Variants in ADAT2 observed in about 807,000 individuals in gnomAD.
ADAT2 encodes adenosine deaminase tRNA specific 2.
In ADAT2, 26 loss-of-function variants were observed where a neutral mutation model predicts 25.9. The observed-to-expected ratio is 1.00, with a 90% CI of 0.74 to 1.39. The LOEUF is 1.39. Ranked by LOEUF, ADAT2 falls within the 40% of genes most tolerant of loss-of-function variation. ADAT2 has a pLI of 0.00. For synonymous variants in ADAT2, 76 were observed against 86.8 expected (o/e 0.88, Z 0.69); for missense variants, 220 against 244.8 (o/e 0.90, Z 0.68).
Position 143,450,603 on chromosome 6 carries a change from G to T in ADAT2, c.56C>A (p.Ala19Glu), listed in dbSNP as rs1779734071. The T allele has an allele frequency of 6.2e-7, 1 of 1,614,076 alleles. No individual in the cohort carries two copies. Among genetic ancestry groups the T allele is most frequent in the Non-Finnish European group, 8.5e-7 (1 of 1,180,024 alleles). The change falls in exon 1 of 6, where the codon GCA becomes GAA. Residue 19 changes from alanine (A) to glutamate (E), a missense_variant. Ala to Glu is a moderately radical substitution (Grantham distance 107). Transcript: ENST00000237283. The stretch of plus-strand genomic sequence containing the variant: ...CTCCATCCACTTTTCGGTCTCCTCT[G>T]CCGACACCGAGCACGCGCCGCTTGC... ...PAASGACSVS[A>E]EETEKWMEEA...
Position 143,444,942 on chromosome 6 carries a change from G to T in ADAT2, c.96+5621C>A. 1 of 1,303,384 alleles carries T rather than the reference G, an allele frequency of 7.7e-7. No individual in the cohort carries two copies. Among genetic ancestry groups the T allele is most frequent in the South Asian group, 1.2e-5 (1 of 80,798 alleles). The allele number at this position is 1,303,384 out of a possible 1,614,324, so 80.7% of individuals were successfully genotyped here. On this transcript the variant is annotated intron_variant, in intron 1 of 5. Coordinates refer to ENST00000237283, the MANE Select transcript of ADAT2 (RefSeq NM_182503.3). The surrounding 1 kb of genome is among the most constrained non-coding windows in gnomAD (Gnocchi z 4.3). The stretch of plus-strand genomic sequence containing the variant: ...TGGAAACAGACCTTGTTTGCACACA[G>T]TTTGATGAGTCCTTAAAGAAATATT...
chr6:143,433,373 T>C (rs1002786866), intron 3 of ADAT2, among the ~76,000 whole-genome samples: 1 of 152,222 alleles, frequency 6.6e-6, no homozygotes, highest in Non-Finnish European at 1.5e-5. Flanking sequence ...AAGGATTTCT[T>C]ACTTCTTATT....
rs759048416 is a variant in ADAT2 at position 143,428,726 on chromosome 6, A to G, written c.460-42T>C. 10 of 1,578,050 alleles carry G rather than the reference A, an allele frequency of 6.3e-6. No individual in the cohort carries two copies. In the Admixed American group the frequency reaches 1.7e-4, roughly 27 times the overall value. Reference sequence around the variant, plus strand: ...GTTGAGAATAAACATAGGCCTATGAAAATGTGTGCTGTATCCCATAAAAAC... The same window carrying G: ...GTTGAGAATAAACATAGGCCTATGAGAATGTGTGCTGTATCCCATAAAAAC... On this transcript the variant is annotated intron_variant, in intron 4 of 5. Coordinates refer to ENST00000237283, the MANE Select transcript of ADAT2 (RefSeq NM_182503.3). The surrounding 1 kb of genome is among the most constrained non-coding windows in gnomAD (Gnocchi z 5.0).
intron 1 of ADAT2, among the ~76,000 whole-genome samples, chr6:143,443,901 G>T (rs1779527909): frequency 6.6e-6 from 1 of 151,836 alleles, no homozygotes; most frequent in South Asian, 2.1e-4. Context: ...ATGTGATCAG[G>T]ATTTTCTGTA....
In ADAT2 at chr6:143,437,322, A is replaced by C. The variant is rs2128741476; in HGVS notation, c.201+1268T>G. Reference sequence around the variant, plus strand: ...GATATCAGTATTTTTAATCACTGATAATCTAATGTTACAAAGAAATTGCTT... The same window carrying C: ...GATATCAGTATTTTTAATCACTGATCATCTAATGTTACAAAGAAATTGCTT... On this transcript the variant is annotated intron_variant, in intron 2 of 5. Coordinates refer to ENST00000237283, the MANE Select transcript of ADAT2 (RefSeq NM_182503.3). This position sits in a 1 kb window ranked among gnomAD's most constrained non-coding sequence, Gnocchi z 4.1. 6.6e-6 allele frequency among the ~76,000 whole-genome samples: 1 copy of C among 152,364 alleles called. No homozygotes were observed. Among genetic ancestry groups the C allele is most frequent in the Non-Finnish European group, 1.5e-5 (1 of 68,030 alleles).
chr6:143,431,905 T>C (rs1166479860), intron 4 of ADAT2, among the ~76,000 whole-genome samples: 1 of 152,142 alleles, frequency 6.6e-6, no homozygotes, highest in Non-Finnish European at 1.5e-5. Flanking sequence ...GTCTGACCCA[T>C]AAAAACTTTG....
chr6:143,450,670 A>G lies in ADAT2; in HGVS notation c.-12T>C, dbSNP rs747572860. 22 of 1,612,132 alleles carry G rather than the reference A, an allele frequency of 1.4e-5. No individual in the cohort carries two copies. In the Admixed American group the frequency reaches 3.5e-4, roughly 26 times the overall value. On this transcript the variant is annotated 5_prime_UTR_variant, in exon 1 of 6. Coordinates refer to ENST00000237283, the MANE Select transcript of ADAT2 (RefSeq NM_182503.3). The stretch of plus-strand genomic sequence containing the variant: ...GCCTTCGCCTCCATACCCAGCCACC[A>G]CTCAGCTACAGAGCCCGCGGCAGAG...
chr6:143,423,454 G>A lies in ADAT2; in HGVS notation c.*5009C>T, dbSNP rs1778839395. ...GGATATGGCCCATGGGCCATACTTT[G>A]TGGACTCCTGCTCTAGATTCTCAAG... On this transcript the variant is annotated 3_prime_UTR_variant, in exon 6 of 6. Transcript: ENST00000237283. The A allele has an allele frequency of 6.6e-6, 1 of 152,132 alleles. No homozygotes were observed. Among genetic ancestry groups the A allele is most frequent in the South Asian group, 2.1e-4 (1 of 4,824 alleles). The allele number at this position is 152,132 out of a possible 1,614,324, so 9.4% of individuals were successfully genotyped here. A position where few individuals can be genotyped will look rare whatever the true frequency, so the allele number is the denominator to read the frequency against.
rs114593438 is a variant in ADAT2 at position 143,438,845 on chromosome 6, C to T, written c.97-151G>A. ...CCTTTTCTGGAATATAGTTCCATTACGGTATTTAGTGCCCGTGTTCTGTGT... is the reference window on the plus strand; with the variant it reads ...CCTTTTCTGGAATATAGTTCCATTATGGTATTTAGTGCCCGTGTTCTGTGT... On this transcript the variant is annotated intron_variant, in intron 1 of 5. Coordinates refer to ENST00000237283, the MANE Select transcript of ADAT2 (RefSeq NM_182503.3). 164 of 655,246 alleles carry T rather than the reference C, an allele frequency of 2.5e-4. 1 individual carries two copies. The highest frequency in any genetic ancestry group is 8.8e-4 in the South Asian group (47 of 53,550). 40.6% of individuals were successfully genotyped at this position (655,246 alleles called of 1,614,324 possible).
Position 143,427,332 on chromosome 6 carries a change from TG to T in ADAT2, c.*1130del, listed in dbSNP as rs1489140707. The T allele has an allele frequency of 1.3e-5, 2 of 152,518 alleles. No individual in the cohort carries two copies. Among genetic ancestry groups the T allele is most frequent in the African/African-American group, 4.8e-5 (2 of 41,416 alleles). 9.4% of individuals were successfully genotyped at this position (152,518 alleles called of 1,614,324 possible). On this transcript the variant is annotated 3_prime_UTR_variant, in exon 6 of 6. Transcript: ENST00000237283. Reference sequence around the variant, plus strand: ...CAAGGAAATGAATCTACTGAAGAAATGCAACTGAGGAGCAGCAGCCCCTCCA... The same window carrying T: ...CAAGGAAATGAATCTACTGAAGAAATCAACTGAGGAGCAGCAGCCCCTCCA...
At position 143,432,444 on chromosome 6, in the gene ADAT2, A is replaced by T. The variant is rs2128739589; in HGVS notation, c.459+61T>A. 1 of 1,460,128 alleles carries T rather than the reference A, an allele frequency of 6.8e-7. No individual in the cohort carries two copies. Among genetic ancestry groups the T allele is most frequent in the Middle Eastern group, 1.7e-4 (1 of 5,752 alleles). The allele number at this position is 1,460,128 out of a possible 1,614,324, so 90.4% of individuals were successfully genotyped here. ...TACTGGCCACACACTAGTTATTCAC[A>T]AGCCCATAAAGAGATGAAAATAATT... On this transcript the variant is annotated intron_variant, in intron 4 of 5. Coordinates refer to ENST00000237283, the MANE Select transcript of ADAT2 (RefSeq NM_182503.3). This position sits in a 1 kb window ranked among gnomAD's most constrained non-coding sequence, Gnocchi z 4.4.
At position 143,434,162 on chromosome 6, in the gene ADAT2, A is replaced by C. The variant is rs1232954455; in HGVS notation, c.202-181T>G. On this transcript the variant is annotated intron_variant, in intron 2 of 5. Transcript: ENST00000237283. The surrounding 1 kb of genome is among the most constrained non-coding windows in gnomAD (Gnocchi z 4.5). ...TCCCCAATTCAAGTACCATAACCTC[A>C]CTTGCGAAAGATATCTAATCAGAGA... is the stretch of plus-strand genomic sequence containing the variant. 1.3e-5 allele frequency among the ~76,000 whole-genome samples: 2 copies of C among 152,150 alleles called. No homozygotes were observed. Among genetic ancestry groups the C allele is most frequent in the Non-Finnish European group, 2.9e-5 (2 of 68,022 alleles).
Position 143,425,686 on chromosome 6 carries a change from T to G in ADAT2, c.*2777A>C, listed in dbSNP as rs1778909308. The G allele has an allele frequency of 6.6e-6, 1 of 151,558 alleles. No individual in the cohort carries two copies. The highest frequency in any genetic ancestry group is 2.1e-4 in the South Asian group (1 of 4,776). The allele number at this position is 151,558 out of a possible 1,614,324, so 9.4% of individuals were successfully genotyped here. A position where few individuals can be genotyped will look rare whatever the true frequency, so the allele number is the denominator to read the frequency against. On this transcript the variant is annotated 3_prime_UTR_variant, in exon 6 of 6. Coordinates refer to ENST00000237283, the MANE Select transcript of ADAT2 (RefSeq NM_182503.3). ...TCAATGTTAAATTTACTTAAGTCAA[T>G]AACTATACTGAAGCATTTCGGGGTA...
Position 143,425,916 on chromosome 6 carries a change from T to C in ADAT2, c.*2547A>G, listed in dbSNP as rs1470337596. On this transcript the variant is annotated 3_prime_UTR_variant, in exon 6 of 6. Transcript: ENST00000237283. ...CACAGGAAGAGATGGTTGTGCCAAG[T>C]AACAAGAAAGCACAAAGATATTTTA... The C allele has an allele frequency of 1.3e-5, 2 of 152,564 alleles. No individual in the cohort carries two copies. The highest frequency in any genetic ancestry group is 1.9e-4 in the East Asian group (1 of 5,200). 9.5% of individuals were successfully genotyped at this position (152,564 alleles called of 1,614,324 possible). A position where few individuals can be genotyped will look rare whatever the true frequency, so the allele number is the denominator to read the frequency against.
rs751542843 is a variant in ADAT2, at chr6:143,450,634, G to T, written c.25C>A (p.Pro9Thr). MEAKAAPK[P>T]AASGACSVSA... ...ACCGAGCACGCGCCGCTTGCAGCTG[G>T]CTTGGGTGCCGCCTTCGCCTCCATA... Residue 9 changes from proline to threonine, a missense_variant, in exon 1 of 6, where the codon CCA becomes ACA. By Grantham distance (38) the Pro-to-Thr change is conservative. Coordinates refer to ENST00000237283, the MANE Select transcript of ADAT2 (RefSeq NM_182503.3). 2 of 1,613,764 alleles carry T rather than the reference G, an allele frequency of 1.2e-6. No individual in the cohort carries two copies. The highest frequency in any genetic ancestry group is 2.7e-5 in the African/African-American group (2 of 74,932).
rs1431971912 is a variant in ADAT2 at position 143,425,119 on chromosome 6, A to T, written c.*3344T>A. On this transcript the variant is annotated 3_prime_UTR_variant, in exon 6 of 6. Transcript: ENST00000237283. The stretch of plus-strand genomic sequence containing the variant: ...AACAAGGACCATTCTATTATTTAAA[A>T]AAAGAAGAAGAAAACAGAAAGGAGG... 1 of 152,224 alleles carries T rather than the reference A, an allele frequency of 6.6e-6. No homozygotes were observed. Among genetic ancestry groups the T allele is most frequent in the Non-Finnish European group, 1.5e-5 (1 of 68,050 alleles). The allele number at this position is 152,224 out of a possible 1,614,324, so 9.4% of individuals were successfully genotyped here. A position where few individuals can be genotyped will look rare whatever the true frequency, so the allele number is the denominator to read the frequency against.
At chr6:143,430,800 C>T (rs933332317) in intron 4 of ADAT2, among the ~76,000 whole-genome samples, 26 of 152,234 alleles carry the variant, frequency 1.7e-4, no homozygotes, top group African/African-American at 3.9e-4. Flanking sequence ...CTCCTGACCT[C>T]ATGATCTGCC....
rs68003531 is a variant in ADAT2, at chr6:143,427,096, AAC to A, written c.*1365_*1366del. On this transcript the variant is annotated 3_prime_UTR_variant, in exon 6 of 6. Coordinates refer to ENST00000237283, the MANE Select transcript of ADAT2 (RefSeq NM_182503.3). ...CCATAAAACTTTTCAAATGCAGTTA[AAC>A]ACACACACACACACACACACACACA... The A allele has an allele frequency of 0.013, 1,859 of 140,250 alleles. 18 individuals are homozygous for A. The highest frequency in any genetic ancestry group is 0.015 in the African/African-American group (580 of 37,816). 8.7% of individuals were successfully genotyped at this position (140,250 alleles called of 1,614,324 possible).
rs540925931 is a variant in ADAT2, at chr6:143,434,095, A to G, written c.202-114T>C. ...GCCTATCCTTTCTGCCAATATTTTA[A>G]TGAATACAGTTTCAAGACACCCTTA... On this transcript the variant is annotated intron_variant, in intron 2 of 5. Coordinates refer to ENST00000237283, the MANE Select transcript of ADAT2 (RefSeq NM_182503.3). The surrounding 1 kb of genome is among the most constrained non-coding windows in gnomAD (Gnocchi z 4.5). 20 of 1,328,860 alleles carry G rather than the reference A, an allele frequency of 1.5e-5. No individual in the cohort carries two copies. The South Asian group carries it at 2.3e-4, about 15-fold the overall frequency. 82.3% of individuals were successfully genotyped at this position (1,328,860 alleles called of 1,614,324 possible).
Sources: gnomAD v4.1 joint callset for allele counts (sites outside exome capture counted in the v4.1 genomes callset) on GRCh38, gnomAD v4.1.1 for gene constraint, Gnocchi (gnomAD v3.1) non-coding constraint, MANE v1.5 for transcripts, NCBI Gene and HGNC (gene_info 2026-07-23, HGNC 2026-07-21) for gene names.